The following MACROD2 variants were observed in gnomAD, a reference collection of about 807,000 sequenced individuals.
MACROD2 encodes the protein ADP-ribose glycohydrolase MACROD2.
In MACROD2, 36 loss-of-function variants were observed where a neutral mutation model predicts 70.4. The ratio of observed to expected loss-of-function variants is 0.51; its 90% CI spans 0.39 to 0.68. MACROD2 has a LOEUF of 0.68. Ranked by LOEUF, MACROD2 falls within the 30% of genes least tolerant of loss-of-function variation. The pLI, the probability that MACROD2 is intolerant of heterozygous loss-of-function variation, is 0.00. For synonymous variants in MACROD2, 172 were observed against 178.8 expected (o/e 0.96, Z 0.30); for missense variants, 496 against 538.4 (o/e 0.92, Z 0.78).
chr20:15,388,155 G>A (rs1471095775), intron 6 of MACROD2, among the ~76,000 whole-genome samples: 1 of 152,080 alleles, frequency 6.6e-6, no homozygotes, highest in Non-Finnish European at 1.5e-5. Context: ...ATGAAGATGG[G>A]AGTTGGGATG....
At chr20:15,337,021 G>A (rs927675175) in intron 6 of MACROD2, among the ~76,000 whole-genome samples, 5 of 151,584 alleles carry the variant, frequency 3.3e-5, no homozygotes, top group African/African-American at 9.8e-5. Context: ...CTCACTTTCT[G>A]CATCTTTCTG....
At chr20:14,936,252 G>A (rs2074339552) in intron 5 of MACROD2, among the ~76,000 whole-genome samples, 1 of 152,120 alleles carries the variant, frequency 6.6e-6, no homozygotes, top group Admixed American at 6.5e-5. Context: ...CAGAGATCTG[G>A]GAGAAGAGCA....
intron 5 of MACROD2, among the ~76,000 whole-genome samples, chr20:15,215,552 C>G (rs984032450): frequency 2.0e-5 from 3 of 151,746 alleles, no homozygotes; most frequent in African/African-American, 7.3e-5. Context: ...GATGAAAATA[C>G]ATAAAATACA....
intron 5 of MACROD2, among the ~76,000 whole-genome samples, chr20:14,793,948 C>T (rs1464409442): frequency 6.6e-6 from 1 of 152,024 alleles, no homozygotes; most frequent in East Asian, 1.9e-4. Flanking sequence ...CTCCTGCCTG[C>T]CAGTTTCATA....
chr20:14,373,493 T>C (rs979863269), intron 3 of MACROD2, among the ~76,000 whole-genome samples: 12 of 152,136 alleles, frequency 7.9e-5, no homozygotes, highest in South Asian at 2.1e-4. Flanking sequence ...GCTTTACTTA[T>C]GTGGAAAATA....
At chr20:15,634,478 G>A (rs2049335656) in intron 8 of MACROD2, among the ~76,000 whole-genome samples, 1 of 152,180 alleles carries the variant, frequency 6.6e-6, no homozygotes, top group African/African-American at 2.4e-5. Flanking sequence ...GTTCACATTA[G>A]GATGTTAAAC....
intron 3 of MACROD2, among the ~76,000 whole-genome samples, chr20:14,449,413 A>G (rs980661019): frequency 1.3e-5 from 2 of 152,230 alleles, no homozygotes; most frequent in Non-Finnish European, 1.5e-5. Flanking sequence ...AATAAATTCA[A>G]TAGATTATAA....
At chr20:15,953,308 G>T (rs2065932205) in intron 12 of MACROD2, among the ~76,000 whole-genome samples, 1 of 152,076 alleles carries the variant, frequency 6.6e-6, no homozygotes, top group Non-Finnish European at 1.5e-5. Context: ...AGCATTATAG[G>T]ATGAATATAG....
At chr20:15,809,228 G>GTGAC (rs1320729035) in intron 8 of MACROD2, among the ~76,000 whole-genome samples, 1 of 152,142 alleles carries the variant, frequency 6.6e-6, no homozygotes, top group Non-Finnish European at 1.5e-5. Flanking sequence ...ACTGCATGAT[G>GTGAC]TGACCTCTGT....
At chr20:15,698,303 A>G (rs2050406450) in intron 8 of MACROD2, among the ~76,000 whole-genome samples, 2 of 152,214 alleles carry the variant, frequency 1.3e-5, no homozygotes, top group Non-Finnish European at 2.9e-5. Flanking sequence ...TGTTTGTCTG[A>G]AAACGACTGT....
intron 3 of MACROD2, among the ~76,000 whole-genome samples, chr20:14,209,941 T>C (rs2081557126): frequency 6.6e-6 from 1 of 152,202 alleles, no homozygotes; most frequent in South Asian, 2.1e-4. Context: ...AGACCTCACT[T>C]TCCAGAAATT....
At chr20:14,734,621 A>G (rs2071640028) in intron 5 of MACROD2, among the ~76,000 whole-genome samples, 1 of 152,030 alleles carries the variant, frequency 6.6e-6, no homozygotes, top group African/African-American at 2.4e-5. Context: ...CCAAAAAACA[A>G]CTTTTTTTTT....
chr20:14,505,693 G>A (rs2084961268), intron 4 of MACROD2, among the ~76,000 whole-genome samples: 1 of 152,190 alleles, frequency 6.6e-6, no homozygotes, highest in South Asian at 2.1e-4. Flanking sequence ...TGAAGTCCAT[G>A]AATTTGCATT....
rs149854227 is a variant in MACROD2, at chr20:14,592,381, A to G, written c.302-92462A>G. Among the ~76,000 whole-genome samples the G allele has an allele frequency of 1.7e-3, 264 of 152,256 alleles. 1 individual carries two copies. The highest frequency in any genetic ancestry group is 0.017 in the Middle Eastern group (5 of 294). ...ATTTGGTCCGCTAGAAGAAAGGAAC[A>G]TTATTGCAAAGAGGAAATGCATATT... On this transcript the variant is annotated intron_variant, in intron 4 of 17. Coordinates refer to ENST00000684519, the MANE Select transcript of MACROD2 (RefSeq NM_001351661.2).
At chr20:14,807,209 C>G (rs1248628057) in intron 5 of MACROD2, among the ~76,000 whole-genome samples, 1 of 152,108 alleles carries the variant, frequency 6.6e-6, no homozygotes, top group African/African-American at 2.4e-5. Flanking sequence ...TGGCGTCTAG[C>G]AGGTGCCCCT....
At chr20:15,087,700 CTG>C (rs1258117491) in intron 5 of MACROD2, among the ~76,000 whole-genome samples, 7 of 151,878 alleles carry the variant, frequency 4.6e-5, no homozygotes, top group South Asian at 2.1e-4. Flanking sequence ...ACATATTTGA[CTG>C]TTTAAAAATT....
chr20:15,801,137 G>A (rs368867841), intron 8 of MACROD2, among the ~76,000 whole-genome samples: 2 of 146,694 alleles, frequency 1.4e-5, no homozygotes, highest in East Asian at 2.0e-4. Flanking sequence ...CTATTGTCCT[G>A]TGACCCTGCC....
chr20:16,010,904 A>G (rs560676023), intron 15 of MACROD2, among the ~76,000 whole-genome samples: 52 of 152,276 alleles, frequency 3.4e-4, no homozygotes, highest in African/African-American at 1.4e-4. Context: ...TTTCTCCCCA[A>G]ACGTGGTGTT....
At chr20:15,006,202 C>A (rs1258498768) in intron 5 of MACROD2, among the ~76,000 whole-genome samples, 1 of 138,462 alleles carries the variant, frequency 7.2e-6, no homozygotes, top group Non-Finnish European at 1.5e-5. Context: ...TATTATGCAA[C>A]CTTAAAAAGA....
Sources: gnomAD v4.1 joint callset for allele counts (sites outside exome capture counted in the v4.1 genomes callset) on GRCh38, gnomAD v4.1.1 for gene constraint, MANE v1.5 for transcripts, NCBI Gene and HGNC (gene_info 2026-07-23, HGNC 2026-07-21) for gene names.